The following DNAH11 variants were observed in gnomAD, a reference collection of about 807,000 sequenced individuals.
DNAH11 encodes dynein axonemal heavy chain 11.
In DNAH11, 442 loss-of-function variants were observed where a neutral mutation model predicts 526.0. That is an observed-to-expected ratio of 0.84 (90% CI 0.78 to 0.91). The LOEUF (loss-of-function observed/expected upper bound fraction) is 0.91. Ranked by LOEUF, DNAH11 falls within the 40% of genes least tolerant of loss-of-function variation. The pLI, the probability that DNAH11 is intolerant of heterozygous loss-of-function variation, is 0.00. For synonymous variants in DNAH11, 2,461 were observed against 1,935.9 expected, an observed-to-expected ratio of 1.27 and a Z score of -7.12; for missense variants, 6,989 against 5,448.7, an observed-to-expected ratio of 1.28 and a Z score of -8.90.
At chr7:21,588,244 G>A in intron 10 of DNAH11, 43 bp downstream of exon 10, 1 of 1,578,738 alleles carries the variant, frequency 6.3e-7, no homozygotes, top group Non-Finnish European at 8.6e-7. Context: ...ATATCATTTA[G>A]GCGGATAATG....
chr7:21,734,849 C>A (rs1244332769), intron 45 of DNAH11, among the ~76,000 whole-genome samples: 4 of 150,446 alleles, frequency 2.7e-5, no homozygotes, highest in Non-Finnish European at 5.9e-5. Flanking sequence ...AGGAGTGAGA[C>A]CCTGTCTCAA....
At chr7:21,666,826 C>G (rs987991081) in intron 30 of DNAH11, among the ~76,000 whole-genome samples, 7 of 151,210 alleles carry the variant, frequency 4.6e-5, no homozygotes, top group African/African-American at 1.7e-4. Flanking sequence ...AGCAGTAACT[C>G]ACAAGATCAT....
chr7:21,875,214 GT>G (rs1783658406), intron 74 of DNAH11, among the ~76,000 whole-genome samples: 1 of 152,108 alleles, frequency 6.6e-6, no homozygotes, highest in South Asian at 2.1e-4. Context: ...AGACATATAT[GT>G]TTTTTAATCA....
At chr7:21,555,550 C>T (rs1783183107) in intron 2 of DNAH11, among the ~76,000 whole-genome samples, 1 of 152,222 alleles carries the variant, frequency 6.6e-6, no homozygotes. Context: ...GAGAACAGAA[C>T]TATGGATTGG....
At chr7:21,591,057 C>T in intron 13 of DNAH11, 35 bp downstream of exon 13, 1 of 1,396,174 alleles carries the variant, frequency 7.2e-7, no homozygotes, top group South Asian at 1.6e-5. Context: ...GATACTAGGG[C>T]CTATTATGAA....
rs116788089 is a variant in DNAH11 at position 21,708,887 on chromosome 7, G to C, written c.6683+1052G>C. 4.5e-3 allele frequency among the ~76,000 whole-genome samples: 686 copies of C among 152,224 alleles called. 5 individuals carry two copies. The highest frequency in any genetic ancestry group is 0.015 in the African/African-American group (609 of 41,526). On this transcript the variant is annotated intron_variant, in intron 40 of 81. Coordinates refer to ENST00000409508, the MANE Select transcript of DNAH11 (RefSeq NM_001277115.2). ...TAGAAATACAAATCAAAATCACAAT[G>C]AGATAGAATCTCATACCAGTCAGAA...
intron 28 of DNAH11, among the ~76,000 whole-genome samples, chr7:21,645,926 A>T (rs974001243): frequency 6.6e-6 from 1 of 152,160 alleles, no homozygotes; most frequent in African/African-American, 2.4e-5. Flanking sequence ...TCCTAACTAT[A>T]AACAAAAAAA....
At position 21,702,771 on chromosome 7, in the gene DNAH11, A is replaced by C. The variant is rs1441720094; in HGVS notation, c.6242A>C (p.Lys2081Thr). 1 of 1,613,514 alleles carries C rather than the reference A, an allele frequency of 6.2e-7. No individual in the cohort carries two copies. The highest frequency in any genetic ancestry group is 1.7e-5 in the Admixed American group (1 of 59,962). ...KSVLVVAGSLKRGDKNRPEDQ... is the reference protein window; with the variant it reads ...KSVLVVAGSLTRGDKNRPEDQ... ...GTCTTGGTTGTGGCTGGATCTCTGA[A>C]ACGAGGAGATAAAAATAGACCCGAA... The change falls in exon 37 of 82, where the codon AAA (lysine) becomes ACA (threonine). Residue 2081 changes from lysine (K) to threonine (T), a missense_variant. Physicochemically the swap from Lys to Thr is moderately conservative, Grantham distance 78. Transcript: ENST00000409508.
In DNAH11 at chr7:21,787,426, T is replaced by C. The variant is rs776732381; in HGVS notation, c.9767T>C (p.Ile3256Thr). The change falls in exon 60 of 82, where the codon ATT becomes ACT. Residue 3256 changes from isoleucine (I) to threonine (T), a missense_variant. Coordinates refer to ENST00000409508, the MANE Select transcript of DNAH11 (RefSeq NM_001277115.2). Reference protein sequence around the residue: ...GKVDDFLQALINYDKEHIPEN... With the variant: ...GKVDDFLQALTNYDKEHIPEN... ...GTTGATGATTTTTTGCAAGCATTAA[T>C]TAACTATGACAAAGAGCACATTCCA... The C allele has an allele frequency of 1.2e-6, 2 of 1,609,210 alleles. No homozygotes were observed. The highest frequency in any genetic ancestry group is 4.5e-5 in the East Asian group (2 of 44,714).
chr7:21,810,568 T>G (rs1225292383), intron 63 of DNAH11, among the ~76,000 whole-genome samples: 1 of 152,092 alleles, frequency 6.6e-6, no homozygotes, highest in Non-Finnish European at 1.5e-5. Context: ...CAAAAATACC[T>G]GTGAAGGGCA....
chr7:21,900,788 G>GTTTA (rs1310162148), intron 81 of DNAH11: 1 of 523,756 alleles, frequency 1.9e-6, no homozygotes, highest in Non-Finnish European at 3.1e-6. Flanking sequence ...CCACAGGAAA[G>GTTTA]TTTAACCACT....
intron 56 of DNAH11, among the ~76,000 whole-genome samples, chr7:21,778,212 G>A (rs917807518): frequency 1.3e-5 from 2 of 152,128 alleles, no homozygotes; most frequent in Non-Finnish European, 2.9e-5. Flanking sequence ...TTTAGCAGAT[G>A]AATTCATGGA....
intron 29 of DNAH11, among the ~76,000 whole-genome samples, chr7:21,657,121 T>C (rs1782046480): frequency 6.6e-6 from 1 of 152,198 alleles, no homozygotes; most frequent in African/African-American, 2.4e-5. Flanking sequence ...TGTAAACATA[T>C]ACAAATTCAC....
intron 37 of DNAH11, chr7:21,703,665 T>C (rs1784147645): frequency 6.6e-6 from 1 of 152,128 alleles, no homozygotes; most frequent in South Asian, 2.1e-4. Context: ...CTCCTCTAAT[T>C]TGACATGAGA....
intron 58 of DNAH11, among the ~76,000 whole-genome samples, chr7:21,785,632 A>G (rs1788138751): frequency 6.6e-6 from 1 of 152,112 alleles, no homozygotes. Flanking sequence ...AAATTTGCAA[A>G]TTTTTCTCTG....
At position 21,543,203 on chromosome 7, in the gene DNAH11, G is replaced by A. The variant is rs1274319202; in HGVS notation, c.-43G>A. The A allele has an allele frequency of 8.8e-6, 13 of 1,479,318 alleles. No homozygotes were observed. The highest frequency in any genetic ancestry group is 1.2e-5 in the Non-Finnish European group (13 of 1,119,856). The allele number at this position is 1,479,318 out of a possible 1,614,324, so 91.6% of individuals were successfully genotyped here. On this transcript the variant is annotated 5_prime_UTR_variant, in exon 1 of 82. In the 5' UTR this introduces an upstream ATG that the reference lacks. Coordinates refer to ENST00000409508, the MANE Select transcript of DNAH11 (RefSeq NM_001277115.2). ...CACTTCGGGGGGCCCAGAGTCTCGG[G>A]TGAGGAGCCAGCCGGCCTCGCGTTC...
At chr7:21,702,655 G>C in intron 36 of DNAH11, 55 bp from the exon 37 acceptor site, 1 of 1,485,214 alleles carries the variant, frequency 6.7e-7, no homozygotes, top group South Asian at 1.2e-5. Context: ...CCTCTGGAAT[G>C]AGAATCTTCT....
At chr7:21,644,437 C>T (rs115329278) in intron 28 of DNAH11, among the ~76,000 whole-genome samples, 308 of 152,150 alleles carry the variant, frequency 2.0e-3, no homozygotes, top group African/African-American at 7.2e-3. Flanking sequence ...AGACTCAATA[C>T]GTGCATGGTA....
rs780263239 is a variant in DNAH11, at chr7:21,600,138, G to C, written c.3000+19G>C. On this transcript the variant is annotated intron_variant, in intron 15 of 81. Transcript: ENST00000409508. ...TTATCAGGTATTTTCTTAGTAAATGGGTATTTAGCTTTTATATTAATGATT... is the reference window on the plus strand; with the variant it reads ...TTATCAGGTATTTTCTTAGTAAATGCGTATTTAGCTTTTATATTAATGATT... 2.0e-6 allele frequency: 3 copies of C among 1,505,858 alleles called. No homozygotes were observed. In the African/African-American group the frequency reaches 4.2e-5, roughly 21 times the overall value. 93.3% of individuals were successfully genotyped at this position (1,505,858 alleles called of 1,614,324 possible). A position where few individuals can be genotyped will look rare whatever the true frequency, so the allele number is the denominator to read the frequency against.
Sources: gnomAD v4.1 joint callset for allele counts (sites outside exome capture counted in the v4.1 genomes callset) on GRCh38, gnomAD v4.1.1 for gene constraint, MANE v1.5 for transcripts, NCBI Gene and HGNC (gene_info 2026-07-23, HGNC 2026-07-21) for gene names.